The following ABHD2 variants were observed in gnomAD, a reference collection of about 807,000 sequenced individuals.
ABHD2 encodes the protein abhydrolase domain containing 2, acylglycerol lipase.
ABHD2 carries 20 observed loss-of-function variants against 48.1 expected under a neutral mutation model. The ratio of observed to expected loss-of-function variants is 0.42; its 90% CI spans 0.29 to 0.60. The LOEUF (loss-of-function observed/expected upper bound fraction) is 0.60. Ranked by LOEUF, ABHD2 falls within the 20% of genes least tolerant of loss-of-function variation. The pLI is 0.24. For missense variants in ABHD2, 405 were observed against 550.9 expected (o/e 0.74, Z 2.65); for synonymous variants, 209 against 214.2 (o/e 0.98, Z 0.21).
At chr15:89,107,731 A>G (rs1249524830) in intron 1 of ABHD2, among the ~76,000 whole-genome samples, 2 of 152,308 alleles carry the variant, frequency 1.3e-5, no homozygotes, top group South Asian at 2.1e-4. Flanking sequence ...TGAAATTTAC[A>G]TCTTCAACCA....
chr15:89,136,486 C>T, intron 3 of ABHD2: 1 of 412,584 alleles, frequency 2.4e-6, no homozygotes, highest in Non-Finnish European at 4.8e-6. Context: ...TTAGGGTCTC[C>T]TTTGCCCATG....
At position 89,091,465 on chromosome 15, in the gene ABHD2, C is replaced by G. The variant is rs925861260; in HGVS notation, c.-107+2902C>G. Reference sequence around the variant, plus strand: ...GGCCCCTTTCTCTCTTTCTCACTCTCTTTTCTCAGTATTTTGGTGGATGAG... The same window carrying G: ...GGCCCCTTTCTCTCTTTCTCACTCTGTTTTCTCAGTATTTTGGTGGATGAG... On this transcript the variant is annotated intron_variant, in intron 1 of 10. Transcript: ENST00000352732. This position sits in a 1 kb window ranked among gnomAD's most constrained non-coding sequence, Gnocchi z 5.5. Among the ~76,000 whole-genome samples, 10 of 152,144 alleles carry G rather than the reference C, an allele frequency of 6.6e-5. No homozygotes were observed.
chr15:89,042,530 C>T, the ABHD2 span, among the ~76,000 whole-genome samples: 1 of 152,024 alleles, frequency 6.6e-6, no homozygotes, highest in Non-Finnish European at 1.5e-5. Context: ...GGTTACTTCC[C>T]ACCTGGAAAT....
chr15:89,162,823 C>T (rs2050782747), intron 5 of ABHD2, among the ~76,000 whole-genome samples: 1 of 152,094 alleles, frequency 6.6e-6, no homozygotes, highest in Admixed American at 6.5e-5. Context: ...TCTCTCCATC[C>T]CAGAAGTTCA....
chr15:89,050,800 G>C, the ABHD2 span, among the ~76,000 whole-genome samples: 1 of 152,164 alleles, frequency 6.6e-6, no homozygotes, highest in African/African-American at 2.4e-5. Context: ...AGGGAGCTTG[G>C]GGAAAACATG....
intron 1 of ABHD2, chr15:89,090,508 C>T (rs1161380807): frequency 8.7e-6 from 1 of 114,974 alleles, no homozygotes; most frequent in African/African-American, 3.4e-5. Flanking sequence ...ATTCATTTAA[C>T]ATATTCCAGA....
the ABHD2 span, among the ~76,000 whole-genome samples, chr15:89,056,908 C>CGTTTTT: frequency 2.3e-5 from 2 of 87,452 alleles, no homozygotes; most frequent in Non-Finnish European, 2.1e-5. Flanking sequence ...TAAGTGATAC[C>CGTTTTT]TTTTTTTTTT....
chr15:89,047,363 T>C, the ABHD2 span, among the ~76,000 whole-genome samples: 1 of 151,828 alleles, frequency 6.6e-6, no homozygotes, highest in East Asian at 1.9e-4. Context: ...CTGAAAAAAA[T>C]GTATATTCTG....
intron 1 of ABHD2, chr15:89,093,776 C>T (rs757240562): frequency 6.6e-6 from 1 of 152,212 alleles, no homozygotes; most frequent in Non-Finnish European, 1.5e-5. Context: ...GCCTCGCTAA[C>T]AAAGGGTTCC....
the ABHD2 span, among the ~76,000 whole-genome samples, chr15:89,046,882 G>C: frequency 1.3e-5 from 2 of 151,844 alleles, no homozygotes; most frequent in Admixed American, 1.3e-4. Context: ...AGGGTTTTTT[G>C]TGTCTCTATT....
Position 89,200,868 on chromosome 15 carries a change from G to C in ABHD2, c.*5445G>C. The C allele has an allele frequency of 2.7e-6, 1 of 364,660 alleles. No homozygotes were observed. Among genetic ancestry groups the C allele is most frequent in the South Asian group, 3.4e-5 (1 of 29,816 alleles). The allele number at this position is 364,660 out of a possible 1,614,324, so 22.6% of individuals were successfully genotyped here. A position where few individuals can be genotyped will look rare whatever the true frequency, so the allele number is the denominator to read the frequency against. Reference sequence around the variant, plus strand: ...AGGCCGAGGCGGGTAGATCACCTGAGGTTAGGAGTTCAAGACCAGCCTGGC... The same window carrying C: ...AGGCCGAGGCGGGTAGATCACCTGACGTTAGGAGTTCAAGACCAGCCTGGC... On this transcript the variant is annotated 3_prime_UTR_variant, in exon 11 of 11. Transcript: ENST00000352732.
chr15:89,151,534 A>C lies in ABHD2; in HGVS notation c.195-143A>C. 2 of 812,246 alleles carry C rather than the reference A, an allele frequency of 2.5e-6. No individual in the cohort carries two copies. The highest frequency in any genetic ancestry group is 3.8e-6 in the Non-Finnish European group (2 of 520,110). 50.3% of individuals were successfully genotyped at this position (812,246 alleles called of 1,614,324 possible). A position where few individuals can be genotyped will look rare whatever the true frequency, so the allele number is the denominator to read the frequency against. ...AGGCGGTAAATCATGGCACGGATGT[A>C]ACGTAATAAAAGCCTCATGTTTATG... On this transcript the variant is annotated intron_variant, in intron 3 of 10. Coordinates refer to ENST00000352732, the MANE Select transcript of ABHD2 (RefSeq NM_152924.5). The surrounding 1 kb of genome is among the most constrained non-coding windows in gnomAD (Gnocchi z 4.7).
At chr15:89,052,544 CAGACAG>C in the ABHD2 span, among the ~76,000 whole-genome samples, 144 of 143,810 alleles carry the variant, frequency 1.0e-3, no homozygotes, top group Middle Eastern at 3.5e-3. Flanking sequence ...GACAGACAGA[CAGACAG>C]ACAGACAGAC....
intron 6 of ABHD2, among the ~76,000 whole-genome samples, chr15:89,181,655 T>C (rs1406394650): frequency 6.6e-6 from 1 of 152,242 alleles, no homozygotes; most frequent in Non-Finnish European, 1.5e-5. Context: ...GAGACATAAT[T>C]TATTTGAGCC....
chr15:89,119,744 A>G (rs1244200587), intron 3 of ABHD2, among the ~76,000 whole-genome samples: 1 of 152,108 alleles, frequency 6.6e-6, no homozygotes, highest in East Asian at 1.9e-4. Flanking sequence ...TTTGATTCCC[A>G]TCTGACCCTC....
intron 5 of ABHD2, among the ~76,000 whole-genome samples, chr15:89,171,846 A>C (rs4932210): frequency 0.17 from 25,973 of 152,066 alleles, 2,733 homozygotes; most frequent in African/African-American, 0.28. Flanking sequence ...ATCTTGTAGA[A>C]GAACACCCAT....
Position 89,166,721 on chromosome 15 carries a change from G to T in ABHD2, c.539-9091G>T, listed in dbSNP as rs573792238. Among the ~76,000 whole-genome samples, 5 of 151,974 alleles carry T rather than the reference G, an allele frequency of 3.3e-5. No homozygotes were observed. Among genetic ancestry groups the T allele is most frequent in the Admixed American group, 3.3e-4 (5 of 15,250 alleles). On this transcript the variant is annotated intron_variant, in intron 5 of 10. Coordinates refer to ENST00000352732, the MANE Select transcript of ABHD2 (RefSeq NM_152924.5). The surrounding 1 kb of genome is among the most constrained non-coding windows in gnomAD (Gnocchi z 4.6). Reference sequence around the variant, plus strand: ...CTGTAGTCCCGGCTACTCTAGAAGCGCTGTGCCCAGGAGTTCAAGGCTACA... The same window carrying T: ...CTGTAGTCCCGGCTACTCTAGAAGCTCTGTGCCCAGGAGTTCAAGGCTACA...
At chr15:89,152,359 G>C (rs958407184) in intron 4 of ABHD2, among the ~76,000 whole-genome samples, 1 of 152,134 alleles carries the variant, frequency 6.6e-6, no homozygotes, top group Admixed American at 6.5e-5. Context: ...GATTACAGGC[G>C]TGAGCCACCG....
the ABHD2 span, among the ~76,000 whole-genome samples, chr15:89,060,305 G>C: frequency 6.6e-6 from 1 of 151,600 alleles, no homozygotes; most frequent in Admixed American, 6.6e-5. Flanking sequence ...TAGTCAGGCT[G>C]CTCGTGAACT....
Sources: allele counts gnomAD v4.1 joint callset (sites outside exome capture counted in the v4.1 genomes callset), GRCh38; gene constraint gnomAD v4.1.1; non-coding constraint Gnocchi (gnomAD v3.1); transcripts MANE v1.5; gene names NCBI Gene and HGNC (gene_info 2026-07-23, HGNC 2026-07-21).